The following AKT3 variants were observed in gnomAD, a reference collection of about 807,000 sequenced individuals.
The protein encoded by AKT3 is AKT serine/threonine kinase 3, also known as RAC-gamma serine/threonine-protein kinase.
In AKT3, 15 loss-of-function variants were observed where a neutral mutation model predicts 65.3. That is an observed-to-expected ratio of 0.23 (90% CI 0.15 to 0.35). The LOEUF is 0.35. AKT3 is among the 10% of genes least tolerant of loss of function. AKT3 has a pLI of 1.00. For synonymous variants in AKT3, 206 were observed against 183.8 expected (o/e 1.12, Z -0.98); for missense variants, 243 against 576.5 (o/e 0.42, Z 5.92).
intron 7 of AKT3, among the ~76,000 whole-genome samples, chr1:243,614,223 T>A (rs1678117662): frequency 6.6e-6 from 1 of 152,130 alleles, no homozygotes; most frequent in Admixed American, 6.5e-5. Flanking sequence ...ATTTTGTAGG[T>A]TATATATAGG....
intron 2 of AKT3, among the ~76,000 whole-genome samples, chr1:243,821,516 A>C (rs983542357): frequency 2.0e-5 from 3 of 152,178 alleles, no homozygotes; most frequent in Non-Finnish European, 4.4e-5. Flanking sequence ...AAGACCCATC[A>C]GTGTGCTGTA....
chr1:243,627,694 C>A (rs1047964962), intron 6 of AKT3, among the ~76,000 whole-genome samples: 1 of 152,186 alleles, frequency 6.6e-6, no homozygotes, highest in Non-Finnish European at 1.5e-5. Context: ...CTGTGAAATT[C>A]TTACGAATAA....
intron 2 of AKT3, among the ~76,000 whole-genome samples, chr1:243,745,358 T>C (rs1203472643): frequency 1.3e-5 from 2 of 152,078 alleles, no homozygotes; most frequent in Admixed American, 6.5e-5. Context: ...AATAAGAGTA[T>C]TGGGCATATC....
chr1:243,551,189 C>T (rs557047385), intron 11 of AKT3, among the ~76,000 whole-genome samples: 1 of 152,056 alleles, frequency 6.6e-6, no homozygotes, highest in African/African-American at 2.4e-5. Context: ...TTCTGAGAGA[C>T]CTTGAAGAAA....
intron 3 of AKT3, 80 bp downstream of exon 3, chr1:243,695,511 C>T: frequency 2.3e-6 from 3 of 1,333,208 alleles, no homozygotes; most frequent in Middle Eastern, 2.4e-4. Context: ...ACAGGTTTCT[C>T]ATATAGCCTA....
chr1:243,772,532 AAAC>A (rs1226802608), intron 2 of AKT3, among the ~76,000 whole-genome samples: 2 of 152,176 alleles, frequency 1.3e-5, no homozygotes, highest in Non-Finnish European at 2.9e-5. Context: ...AAAAGTCAGG[AAAC>A]AACAGGTGCT....
At chr1:243,704,025 A>G (rs7533826) in intron 2 of AKT3, among the ~76,000 whole-genome samples, 7,074 of 152,256 alleles carry the variant, frequency 0.046, 217 homozygotes, top group Middle Eastern at 0.088. Flanking sequence ...AGGCAACTGA[A>G]AAGTGTTAAA....
intron 12 of AKT3, among the ~76,000 whole-genome samples, chr1:243,529,357 T>C (rs1671368782): frequency 6.6e-6 from 1 of 152,172 alleles, no homozygotes; most frequent in South Asian, 2.1e-4. Flanking sequence ...TCATGAAGTC[T>C]TTGCCAAGGT....
intron 2 of AKT3, among the ~76,000 whole-genome samples, chr1:243,784,938 T>G (rs1488701784): frequency 1.3e-5 from 2 of 152,122 alleles, no homozygotes; most frequent in Non-Finnish European, 2.9e-5. Context: ...TTTTTATTAT[T>G]ATTTCTGTAG....
intron 12 of AKT3, among the ~76,000 whole-genome samples, chr1:243,526,652 T>G (rs1671103334): frequency 1.3e-5 from 2 of 151,964 alleles, no homozygotes; most frequent in South Asian, 4.1e-4. Flanking sequence ...TTTAAATATG[T>G]ACTCACTAAA....
chr1:243,583,215 T>C (rs1357265568), intron 8 of AKT3, among the ~76,000 whole-genome samples: 49 of 120,176 alleles, frequency 4.1e-4, no homozygotes, highest in Non-Finnish European at 6.0e-4. Flanking sequence ...CACACACACA[T>C]ATATCTTCCA....
intron 2 of AKT3, among the ~76,000 whole-genome samples, chr1:243,837,598 C>T (rs1418513865): frequency 6.6e-6 from 1 of 151,948 alleles, no homozygotes; most frequent in African/African-American, 2.4e-5. Context: ...TTTATTCCAG[C>T]AATGAAAGTA....
intron 2 of AKT3, among the ~76,000 whole-genome samples, chr1:243,760,530 T>G (rs1229176716): frequency 2.0e-5 from 3 of 152,146 alleles, no homozygotes. Flanking sequence ...CCTACTCACC[T>G]AAAATTATTT....
At chr1:243,818,586 C>CT (rs762740289) in intron 2 of AKT3, among the ~76,000 whole-genome samples, 7 of 152,150 alleles carry the variant, frequency 4.6e-5, no homozygotes, top group Admixed American at 6.5e-5. Context: ...TATAGTATCT[C>CT]TAACTGGTAA....
intron 6 of AKT3, among the ~76,000 whole-genome samples, chr1:243,633,594 G>T (rs1679763021): frequency 6.6e-6 from 1 of 151,930 alleles, no homozygotes; most frequent in African/African-American, 2.4e-5. Context: ...ATAACTTCAG[G>T]ATATTAAATA....
intron 3 of AKT3, among the ~76,000 whole-genome samples, chr1:243,694,856 C>T (rs773765054): frequency 4.6e-5 from 7 of 151,788 alleles, no homozygotes; most frequent in East Asian, 1.9e-4. Flanking sequence ...GATATTGTCT[C>T]GTTAAAGATT....
chr1:243,505,021 T>C lies in AKT3; in HGVS notation c.*228A>G. ...TAGTAAGACAGTAGCAGCAACAGCA[T>C]GAGACCTTAGACTGAGATACAATTT... is the stretch of plus-strand genomic sequence containing the variant. On this transcript the variant is annotated 3_prime_UTR_variant, in exon 14 of 14. Coordinates refer to ENST00000673466, the MANE Select transcript of AKT3 (RefSeq NM_005465.7). 1 of 511,384 alleles carries C rather than the reference T, an allele frequency of 2.0e-6. No homozygotes were observed. The highest frequency in any genetic ancestry group is 3.2e-5 in the South Asian group (1 of 31,034). The allele number at this position is 511,384 out of a possible 1,614,324, so 31.7% of individuals were successfully genotyped here. A position where few individuals can be genotyped will look rare whatever the true frequency, so the allele number is the denominator to read the frequency against.
chr1:243,580,258 T>C (rs1361098199), intron 8 of AKT3, among the ~76,000 whole-genome samples: 1 of 152,122 alleles, frequency 6.6e-6, no homozygotes, highest in East Asian at 1.9e-4. Context: ...GAAGCCCCAG[T>C]GCATGAGAGA....
At chr1:243,634,631 T>A (rs189674463) in intron 6 of AKT3, among the ~76,000 whole-genome samples, 30 of 151,768 alleles carry the variant, frequency 2.0e-4, no homozygotes, top group African/African-American at 6.5e-4. Context: ...GGTACTGCCA[T>A]AGTAACCAAA....
Sources: gnomAD v4.1 joint callset for allele counts (sites outside exome capture counted in the v4.1 genomes callset) on GRCh38, gnomAD v4.1.1 for gene constraint, MANE v1.5 for transcripts, NCBI Gene and HGNC (gene_info 2026-07-23, HGNC 2026-07-21) for gene names.